The following NKIRAS1 variants were observed in gnomAD, a reference collection of about 807,000 sequenced individuals.
NKIRAS1 encodes NF-kappa-B inhibitor-interacting Ras-like protein 1.
A neutral mutation model predicts 19.8 loss-of-function variants in NKIRAS1; 16 were observed. The observed-to-expected ratio is 0.81, with a 90% CI of 0.55 to 1.23. The LOEUF (loss-of-function observed/expected upper bound fraction) is 1.23. Ranked by LOEUF, NKIRAS1 falls within the 50% of genes most tolerant of loss-of-function variation. The pLI, the probability that NKIRAS1 is intolerant of heterozygous loss-of-function variation, is 0.00. For synonymous variants in NKIRAS1, 88 were observed against 79.0 expected (o/e 1.11, Z -0.61); for missense variants, 184 against 220.0 (o/e 0.84, Z 1.04).
chr3:23,921,915 C>T (rs1705101605), upstream of NKIRAS1: 4 of 338,804 alleles, frequency 1.2e-5, no homozygotes, highest in Non-Finnish European at 1.6e-5. Context: ...CACTATGTTG[C>T]CCAGGTTGGT....
chr3:23,930,730 G>T (rs7635616), intron 1 of NKIRAS1, among the ~76,000 whole-genome samples: 95,420 of 151,986 alleles, frequency 0.63, 30,206 homozygotes, highest in Middle Eastern at 0.72. Context: ...AGACAGGGTC[G>T]TACTCTGTCA....
At chr3:23,940,349 A>G (rs1705471825) in intron 1 of NKIRAS1, among the ~76,000 whole-genome samples, 1 of 151,516 alleles carries the variant, frequency 6.6e-6, no homozygotes, top group Admixed American at 6.6e-5. Context: ...CTGTTTCTAA[A>G]AAAAAATTAA....
At position 23,928,105 on chromosome 3, in the gene NKIRAS1, C is replaced by CACACACACACACACACACACACACACAT. The variant is rs1705240742; in HGVS notation, c.-139-16656_-139-16655insATGTGTGTGTGTGTGTGTGTGTGTGTGT. ...CTCCTCTCTCTCTCTACACACCACA[C>CACACACACACACACACACACACACACAT]ACACACACACACACACACACACATA... is the stretch of plus-strand genomic sequence containing the variant. On this transcript the variant is annotated intron_variant, in intron 1 of 4. Transcript: ENST00000421515. 1.1e-4 allele frequency among the ~76,000 whole-genome samples: 14 copies of CACACACACACACACACACACACACACAT among 131,418 alleles called. No individual in the cohort carries two copies. In the South Asian group the frequency reaches 3.4e-3, roughly 32 times the overall value. 86.2% of individuals were successfully genotyped at this position (131,418 alleles called of 152,430 possible). A position where few individuals can be genotyped will look rare whatever the true frequency, so the allele number is the denominator to read the frequency against.
upstream of NKIRAS1, chr3:23,919,329 C>G (rs1352583583): frequency 2.5e-6 from 4 of 1,602,970 alleles, no homozygotes; most frequent in East Asian, 4.5e-5. Context: ...AATCCTGACA[C>G]CCAGTGGATC....
rs561866720 is a variant in NKIRAS1, at chr3:23,945,662, G to A, written c.-140+661C>T. The A allele has an allele frequency of 1.7e-3, 1,835 of 1,082,178 alleles. 3 individuals carry two copies. Among genetic ancestry groups the A allele is most frequent in the Middle Eastern group, 1.9e-3 (5 of 2,662 alleles). The allele number at this position is 1,082,178 out of a possible 1,614,324, so 67.0% of individuals were successfully genotyped here. A position where few individuals can be genotyped will look rare whatever the true frequency, so the allele number is the denominator to read the frequency against. ...CGCTCAGAGCCCGCGGGGCACTTTG[G>A]GGGGCGGCGGCAGGGGGTGTCCCCA... On this transcript the variant is annotated intron_variant, in intron 1 of 4. Coordinates refer to the NKIRAS1 transcript ENST00000421515.
In NKIRAS1 at chr3:23,897,137, G is replaced by A. The variant is rs1018896164; in HGVS notation, c.336+3671C>T. 7.2e-5 allele frequency among the ~76,000 whole-genome samples: 11 copies of A among 151,982 alleles called. No homozygotes were observed. In the South Asian group the frequency reaches 1.0e-3, roughly 14 times the overall value. On this transcript the variant is annotated intron_variant, in intron 4 of 4. Coordinates refer to ENST00000425478, the MANE Select transcript of NKIRAS1 (RefSeq NM_020345.4). ...TGAGGCAGGAGGTCACTGGAGCCTG[G>A]GAGTTTTAGGCTGCAATCATGCCAT...
intron 4 of NKIRAS1, among the ~76,000 whole-genome samples, chr3:23,898,318 C>T (rs887047022): frequency 6.6e-6 from 1 of 151,888 alleles, no homozygotes; most frequent in Non-Finnish European, 1.5e-5. Context: ...GAGTTTGGTA[C>T]GTACCATGGA....
chr3:23,918,259 C>T, upstream of NKIRAS1: 1 of 893,836 alleles, frequency 1.1e-6, no homozygotes, highest in Non-Finnish European at 1.7e-6. Flanking sequence ...AAACAGTGTG[C>T]CTCCCTGTGT....
chr3:23,923,869 G>A (rs1705159831), intron 1 of NKIRAS1: 1 of 152,166 alleles, frequency 6.6e-6, no homozygotes, highest in South Asian at 2.1e-4. Flanking sequence ...TCTGTTAGGG[G>A]GAAATGATAC....
intron 4 of NKIRAS1, among the ~76,000 whole-genome samples, chr3:23,894,202 GGGA>G (rs779832403): frequency 1.3e-5 from 2 of 152,210 alleles, no homozygotes; most frequent in Non-Finnish European, 2.9e-5. Flanking sequence ...TCAAAGCTCG[GGGA>G]GGAGAAGAGA....
intron 1 of NKIRAS1, among the ~76,000 whole-genome samples, chr3:23,928,123 CACACAT>C (rs1476602127): frequency 6.6e-6 from 1 of 150,588 alleles, no homozygotes; most frequent in African/African-American, 2.5e-5. Context: ...CACACACACA[CACACAT>C]ACACACACAC....
intron 3 of NKIRAS1, among the ~76,000 whole-genome samples, chr3:23,909,569 T>C (rs1703434785): frequency 6.6e-6 from 1 of 152,062 alleles, no homozygotes; most frequent in Non-Finnish European, 1.5e-5. Flanking sequence ...CAGAAAAAAA[T>C]GCTTTGATGA....
In NKIRAS1 at chr3:23,926,106, A is replaced by G. The variant is rs1705207101; in HGVS notation, c.-139-14656T>C. ...TGCTCTGTCGCCCAGGCTGGAGTGC[A>G]GTGGCACAATCTTGGCTCACTGTAA... On this transcript the variant is annotated intron_variant, in intron 1 of 4. Coordinates refer to the NKIRAS1 transcript ENST00000421515. This position sits in a 1 kb window ranked among gnomAD's most constrained non-coding sequence, Gnocchi z 4.3. Among the ~76,000 whole-genome samples the G allele has an allele frequency of 1.3e-5, 2 of 152,116 alleles. No individual in the cohort carries two copies. Among genetic ancestry groups the G allele is most frequent in the Admixed American group, 1.3e-4 (2 of 15,270 alleles).
At chr3:23,894,969 CTTT>C (rs980516451) in intron 4 of NKIRAS1, among the ~76,000 whole-genome samples, 9 of 152,174 alleles carry the variant, frequency 5.9e-5, no homozygotes, top group African/African-American at 2.2e-4. Flanking sequence ...GTCTCTTATT[CTTT>C]GACTTCTCCA....
At chr3:23,902,806 T>C (rs1224357320) in intron 3 of NKIRAS1, among the ~76,000 whole-genome samples, 1 of 152,170 alleles carries the variant, frequency 6.6e-6, no homozygotes, top group East Asian at 1.9e-4. Context: ...ATAGAGGCTG[T>C]CTAGACTGTG....
Position 23,922,409 on chromosome 3 carries a change from T to C in NKIRAS1, c.-139-10959A>G, listed in dbSNP as rs1265814207. The C allele has an allele frequency of 6.6e-6, 1 of 152,264 alleles. No individual in the cohort carries two copies. Among genetic ancestry groups the C allele is most frequent in the East Asian group, 1.9e-4 (1 of 5,200 alleles). 9.4% of individuals were successfully genotyped at this position (152,264 alleles called of 1,614,324 possible). On this transcript the variant is annotated intron_variant, in intron 1 of 4. Transcript: ENST00000421515. This position sits in a 1 kb window ranked among gnomAD's most constrained non-coding sequence, Gnocchi z 4.2. ...TAAAGTTTATTTGTTTTGTTTTGGT[T>C]TTTTTTGAGATGGAGTCTCACTGTG...
intron 3 of NKIRAS1, 120 bp downstream of exon 3, chr3:23,910,691 G>T: frequency 3.7e-5 from 25 of 677,412 alleles, no homozygotes; most frequent in Middle Eastern, 2.5e-4. Context: ...ATCTCTTTTG[G>T]TCCCTCTGGA....
rs188882769 is a variant in NKIRAS1 at position 23,890,368 on chromosome 3, C to G, written c.*2727G>C. 1.1e-5 allele frequency: 7 copies of G among 656,354 alleles called. No individual in the cohort carries two copies. The highest frequency in any genetic ancestry group is 7.5e-6 in the Non-Finnish European group (3 of 401,650). The allele number at this position is 656,354 out of a possible 1,614,324, so 40.7% of individuals were successfully genotyped here. On this transcript the variant is annotated 3_prime_UTR_variant, in exon 5 of 5. Transcript: ENST00000425478. Reference sequence around the variant, plus strand: ...TTTTGAAATTTTGATGGAAAAATATCCAGCATGGTGGAGTGGTGTTTCGAA... The same window carrying G: ...TTTTGAAATTTTGATGGAAAAATATGCAGCATGGTGGAGTGGTGTTTCGAA...
chr3:23,944,219 T>A (rs1279040393), intron 1 of NKIRAS1, among the ~76,000 whole-genome samples: 1 of 152,202 alleles, frequency 6.6e-6, no homozygotes, highest in Non-Finnish European at 1.5e-5. Flanking sequence ...CTTGCAGATT[T>A]ACCAAAACAG....
Sources: gnomAD v4.1 joint callset for allele counts (sites outside exome capture counted in the v4.1 genomes callset) on GRCh38, gnomAD v4.1.1 for gene constraint, Gnocchi (gnomAD v3.1) non-coding constraint, MANE v1.5 for transcripts, NCBI Gene and HGNC (gene_info 2026-07-23, HGNC 2026-07-21) for gene names.